Variants in CLPB observed in about 807,000 individuals in gnomAD.
The protein encoded by CLPB is ClpB family mitochondrial disaggregase.
In CLPB, 40 loss-of-function variants were observed where a neutral mutation model predicts 78.4. The ratio of observed to expected loss-of-function variants is 0.51; its 90% CI spans 0.40 to 0.66. CLPB has a LOEUF of 0.66. Ranked by LOEUF, CLPB falls within the 30% of genes least tolerant of loss-of-function variation. CLPB has a pLI of 0.00. For missense variants in CLPB, 780 were observed against 886.9 expected, an observed-to-expected ratio of 0.88 and a Z score of 1.53; for synonymous variants, 333 against 348.0, an observed-to-expected ratio of 0.96 and a Z score of 0.48.
intron 5 of CLPB, among the ~76,000 whole-genome samples, chr11:72,336,314 C>T (rs1454784000): frequency 1.3e-5 from 2 of 152,150 alleles, no homozygotes; most frequent in African/African-American, 4.8e-5. Context: ...ATTCATGCCC[C>T]TCCCCACCCC....
At chr11:72,302,654 A>C in intron 9 of CLPB, 2 of 351,560 alleles carry the variant, frequency 5.7e-6, no homozygotes, top group African/African-American at 2.1e-5. Context: ...CCACCCACCC[A>C]TCCATCCATT....
chr11:72,389,040 T>C (rs1023109408), intron 3 of CLPB, among the ~76,000 whole-genome samples: 4 of 151,738 alleles, frequency 2.6e-5, no homozygotes, highest in Admixed American at 2.0e-4. Flanking sequence ...GAGGGTGAGG[T>C]AGAACAGATT....
chr11:72,381,864 C>A (rs978363352), intron 3 of CLPB, among the ~76,000 whole-genome samples: 1 of 152,022 alleles, frequency 6.6e-6, no homozygotes, highest in South Asian at 2.1e-4. Context: ...CCAGTCCCTG[C>A]GGCCCCACAC....
chr11:72,375,718 A>G (rs1239607202), intron 4 of CLPB, among the ~76,000 whole-genome samples: 1 of 152,208 alleles, frequency 6.6e-6, no homozygotes, highest in Admixed American at 6.5e-5. Flanking sequence ...AATGACTGGG[A>G]GCACTGATGA....
intron 8 of CLPB, 99 bp downstream of exon 8, chr11:72,308,428 G>A: frequency 1.0e-6 from 1 of 993,118 alleles, no homozygotes; most frequent in East Asian, 2.4e-5. Flanking sequence ...ACCTAGAGCT[G>A]GACCTGCTGA....
chr11:72,332,506 GAAAAAGGAAAGA>G (rs1185866080), intron 5 of CLPB, among the ~76,000 whole-genome samples: 5 of 151,570 alleles, frequency 3.3e-5, no homozygotes, highest in African/African-American at 9.7e-5. Context: ...GAAAGGAAAG[GAAAAAGGAAAGA>G]AAAAAGGAAA....
intron 2 of CLPB, among the ~76,000 whole-genome samples, chr11:72,425,323 G>A (rs1856341318): frequency 6.6e-6 from 1 of 152,134 alleles, no homozygotes; most frequent in South Asian, 2.1e-4. Flanking sequence ...GCCACATTCA[G>A]CCCAATGCCT....
In CLPB at chr11:72,294,388, G is replaced by A; in HGVS notation, c.1617C>T (p.Leu539=). The A allele has an allele frequency of 6.2e-7, 1 of 1,614,252 alleles. No homozygotes were observed. The highest frequency in any genetic ancestry group is 8.5e-7 in the Non-Finnish European group (1 of 1,180,052). Residue 539 remains leucine (L), a synonymous_variant, in exon 14 of 16, where the codon CTC becomes CTT. Transcript: ENST00000538039. ...LGRINEIVYF[L]PFCHSELIQL... is the part of the protein sequence containing the mutation. ...GGATGAGCTCCGAGTGGCAGAAGGG[G>A]AGGAAGTAGACGATCTCATTGATCC...
chr11:72,333,222 C>T (rs1392637078), intron 5 of CLPB, among the ~76,000 whole-genome samples: 1 of 152,170 alleles, frequency 6.6e-6, no homozygotes, highest in Non-Finnish European at 1.5e-5. Flanking sequence ...ATGAAAAAGC[C>T]TTCAGTTGGC....
At chr11:72,351,853 G>C (rs1214112432) in intron 5 of CLPB, among the ~76,000 whole-genome samples, 1 of 152,170 alleles carries the variant, frequency 6.6e-6, no homozygotes, top group Non-Finnish European at 1.5e-5. Flanking sequence ...TTACAGGCAA[G>C]AGCCACCGCA....
chr11:72,409,649 T>C (rs1446662288), intron 2 of CLPB, among the ~76,000 whole-genome samples: 2 of 151,356 alleles, frequency 1.3e-5, no homozygotes, highest in African/African-American at 2.4e-5. Flanking sequence ...GTAGAGTGGG[T>C]CAGAAAAATC....
intron 4 of CLPB, among the ~76,000 whole-genome samples, chr11:72,360,243 G>A (rs1196611164): frequency 6.6e-6 from 1 of 152,204 alleles, no homozygotes; most frequent in Non-Finnish European, 1.5e-5. Flanking sequence ...AGGATCTGCA[G>A]AGGACAGGTT....
rs569445021 is a variant in CLPB, at chr11:72,407,984, C to T, written c.456-4932G>A. ...TATTCTAACATCCTAAAGGAAGGCA[C>T]ATCATCTGGCTAAGCTTTGTCTCTT... is the stretch of plus-strand genomic sequence containing the variant. On this transcript the variant is annotated intron_variant, in intron 2 of 15. Coordinates refer to ENST00000538039, the MANE Select transcript of CLPB (RefSeq NM_001258392.3). The T allele has an allele frequency of 3.4e-4, 245 of 727,708 alleles. 3 individuals are homozygous for T. The Admixed American group carries it at 5.7e-3, about 17-fold the overall frequency. 45.1% of individuals were successfully genotyped at this position (727,708 alleles called of 1,614,324 possible).
At chr11:72,313,884 G>T (rs1360754215) in intron 7 of CLPB, among the ~76,000 whole-genome samples, 1 of 152,190 alleles carries the variant, frequency 6.6e-6, no homozygotes, top group African/African-American at 2.4e-5. Flanking sequence ...AGACAACGTG[G>T]AAGGGCAGGG....
chr11:72,347,826 T>C (rs540681376), intron 5 of CLPB, among the ~76,000 whole-genome samples: 48 of 152,228 alleles, frequency 3.2e-4, no homozygotes, highest in African/African-American at 1.1e-3. Flanking sequence ...GTGGGCCCAA[T>C]ATAATCACAA....
intron 4 of CLPB, among the ~76,000 whole-genome samples, chr11:72,371,110 C>T (rs1409867592): frequency 6.6e-6 from 1 of 152,100 alleles, no homozygotes; most frequent in East Asian, 1.9e-4. Flanking sequence ...GTCACCCAGG[C>T]TGGAGTGCAG....
At chr11:72,392,241 C>G (rs1020977059) in intron 3 of CLPB, among the ~76,000 whole-genome samples, 1 of 151,990 alleles carries the variant, frequency 6.6e-6, no homozygotes, top group East Asian at 1.9e-4. Context: ...ATGAGTGTCA[C>G]GGGTCCCAAG....
intron 5 of CLPB, among the ~76,000 whole-genome samples, chr11:72,347,251 A>G (rs952186993): frequency 6.6e-6 from 1 of 152,166 alleles, no homozygotes; most frequent in Non-Finnish European, 1.5e-5. Context: ...TCTTAAAAGT[A>G]TCTCCTCACA....
intron 4 of CLPB, among the ~76,000 whole-genome samples, chr11:72,361,690 C>T (rs957989272): frequency 6.6e-6 from 1 of 152,166 alleles, no homozygotes; most frequent in Non-Finnish European, 1.5e-5. Context: ...ATGAACCTGA[C>T]GAAAAGTGAT....
Sources: gnomAD v4.1 joint callset for allele counts (sites outside exome capture counted in the v4.1 genomes callset) on GRCh38, gnomAD v4.1.1 for gene constraint, MANE v1.5 for transcripts, NCBI Gene and HGNC (gene_info 2026-07-23, HGNC 2026-07-21) for gene names.